Variants in QKI observed in about 807,000 individuals in gnomAD.
QKI encodes QKI, KH domain containing RNA binding.
A neutral mutation model predicts 39.0 loss-of-function variants in QKI; 10 were observed. That is an observed-to-expected ratio of 0.26 (90% CI 0.16 to 0.43). QKI has a LOEUF of 0.43. Among genes scored for constraint, QKI ranks in the 20% least tolerant of loss-of-function variants. The pLI, the probability that QKI is intolerant of heterozygous loss-of-function variation, is 1.00. For synonymous variants in QKI, 204 were observed against 155.4 expected (o/e 1.31, Z -2.33); for missense variants, 218 against 428.0 (o/e 0.51, Z 4.33).
intron 4 of QKI, among the ~76,000 whole-genome samples, chr6:163,547,151 T>C (rs1412253282): frequency 1.3e-5 from 2 of 152,130 alleles, no homozygotes; most frequent in African/African-American, 2.4e-5. Context: ...AAAAATACTT[T>C]GATTTTTTAA....
chr6:163,452,396 A>T (rs1048119752), intron 1 of QKI, among the ~76,000 whole-genome samples: 1 of 152,156 alleles, frequency 6.6e-6, no homozygotes, highest in Non-Finnish European at 1.5e-5. Context: ...AGACTGAAAA[A>T]AATCGTGGTA....
Position 163,563,602 on chromosome 6 carries a change from G to A in QKI, c.817G>A (p.Ala273Thr). Reference sequence around the variant, plus strand: ...AAACGGAACTCCTCACCCAACTGCTGCAATAGTTCCTCCAGGGCCCGAAGC... The same window carrying A: ...AAACGGAACTCCTCACCCAACTGCTACAATAGTTCCTCCAGGGCCCGAAGC... ...MPNGTPHPTA[A>T]IVPPGPEAGL... is the part of the protein sequence containing the mutation. The change falls in exon 6 of 8, where the codon GCA (alanine) becomes ACA (threonine). Residue 273 changes from alanine to threonine, a missense_variant. Physicochemically the swap from Ala to Thr is moderately conservative, Grantham distance 58 (BLOSUM62 0). This residue lies in a region of QKI where 117 missense variants were observed against 186.0 expected (regional missense o/e 0.63). Transcript: ENST00000361752. 1.9e-6 allele frequency: 3 copies of A among 1,614,180 alleles called. No homozygotes were observed. The highest frequency in any genetic ancestry group is 1.1e-5 in the South Asian group (1 of 91,086).
chr6:163,484,032 A>AT (rs1328334575), intron 3 of QKI, among the ~76,000 whole-genome samples: 1 of 152,152 alleles, frequency 6.6e-6, no homozygotes, highest in Non-Finnish European at 1.5e-5. Flanking sequence ...TCTACCAGAG[A>AT]TTTTGGGTTA....
In QKI at chr6:163,574,120, C is replaced by T. The variant is rs1783847844; in HGVS notation, c.*3410C>T. ...CTTTCAGCATCTGCATTACTAATTC[C>T]ACACCTTATTTTTCCTTCTCCAAAA... On this transcript the variant is annotated 3_prime_UTR_variant, in exon 8 of 8. Coordinates refer to ENST00000361752, the MANE Select transcript of QKI (RefSeq NM_006775.3). The T allele has an allele frequency of 6.6e-6, 1 of 152,186 alleles. No individual in the cohort carries two copies. Among genetic ancestry groups the T allele is most frequent in the Non-Finnish European group, 1.5e-5 (1 of 68,052 alleles). The allele number at this position is 152,186 out of a possible 1,614,324, so 9.4% of individuals were successfully genotyped here.
intron 2 of QKI, among the ~76,000 whole-genome samples, chr6:163,458,356 A>G (rs1014014424): frequency 1.3e-5 from 2 of 152,120 alleles, no homozygotes; most frequent in African/African-American, 4.8e-5. Context: ...CAGTTGGAAA[A>G]CATCTTTATG....
intron 3 of QKI, among the ~76,000 whole-genome samples, chr6:163,514,153 C>T (rs1407709523): frequency 1.3e-5 from 2 of 152,104 alleles, no homozygotes; most frequent in Admixed American, 6.5e-5. Flanking sequence ...AGTGGTTAGA[C>T]AGGAACACCT....
chr6:163,498,588 A>G (rs571862750), intron 3 of QKI, among the ~76,000 whole-genome samples: 3 of 151,048 alleles, frequency 2.0e-5, no homozygotes, highest in African/African-American at 4.9e-5. Flanking sequence ...TTTTGTTCTT[A>G]TGTCTGTCTC....
chr6:163,447,507 A>G (rs1285917514), intron 1 of QKI, among the ~76,000 whole-genome samples: 2 of 151,708 alleles, frequency 1.3e-5, no homozygotes, highest in Non-Finnish European at 2.9e-5. Flanking sequence ...CTCTTCTCCT[A>G]CTCATCCATC....
intron 3 of QKI, among the ~76,000 whole-genome samples, chr6:163,509,573 A>G (rs1779310376): frequency 6.6e-6 from 1 of 152,136 alleles, no homozygotes; most frequent in African/African-American, 2.4e-5. Flanking sequence ...ATTATGTGAA[A>G]CAGTATAATA....
chr6:163,445,627 T>TTC (rs1790092590), intron 1 of QKI, among the ~76,000 whole-genome samples: 1 of 151,558 alleles, frequency 6.6e-6, no homozygotes, highest in South Asian at 2.1e-4. Context: ...TTTTTTTTTT[T>TTC]TTTTTTAGTT....
chr6:163,415,699 C>G (rs1465195146), intron 1 of QKI, among the ~76,000 whole-genome samples: 1 of 151,744 alleles, frequency 6.6e-6, no homozygotes, highest in Non-Finnish European at 1.5e-5. Flanking sequence ...CGAGCCCTCC[C>G]GAGAGCAGGC....
Position 163,573,895 on chromosome 6 carries a change from C to G in QKI, c.*3185C>G, listed in dbSNP as rs1313856056. ...TAAAGTCTTGAGTTACTGGACTAAC[C>G]CTGAAGAACGTGACCACAGATAACA... On this transcript the variant is annotated 3_prime_UTR_variant, in exon 8 of 8. Coordinates refer to ENST00000361752, the MANE Select transcript of QKI (RefSeq NM_006775.3). The G allele has an allele frequency of 6.6e-6, 1 of 151,948 alleles. No homozygotes were observed. Among genetic ancestry groups the G allele is most frequent in the Non-Finnish European group, 1.5e-5 (1 of 67,984 alleles). 9.4% of individuals were successfully genotyped at this position (151,948 alleles called of 1,614,324 possible). A position where few individuals can be genotyped will look rare whatever the true frequency, so the allele number is the denominator to read the frequency against.
chr6:163,578,321 AC>A lies in QKI; in HGVS notation c.*7612del, dbSNP rs1336083887. 6.6e-6 allele frequency: 1 copy of A among 152,222 alleles called. No individual in the cohort carries two copies. The highest frequency in any genetic ancestry group is 2.4e-5 in the African/African-American group (1 of 41,462). The allele number at this position is 152,222 out of a possible 1,614,324, so 9.4% of individuals were successfully genotyped here. On this transcript the variant is annotated 3_prime_UTR_variant, in exon 8 of 8. Transcript: ENST00000361752. ...TTCTTGCAGAACTATTTGAGTTGAT[AC>A]TAAAGATTTTATGTTCACTCCTTTA...
At chr6:163,437,513 T>C (rs969764797) in intron 1 of QKI, among the ~76,000 whole-genome samples, 5 of 152,202 alleles carry the variant, frequency 3.3e-5, no homozygotes, top group Non-Finnish European at 7.4e-5. Flanking sequence ...AATGTAGCCA[T>C]AATTTAGTTC....
At chr6:163,563,257 T>G (rs1271115029) in intron 5 of QKI, among the ~76,000 whole-genome samples, 163 bp from the exon 6 acceptor site, 1 of 152,228 alleles carries the variant, frequency 6.6e-6, no homozygotes, top group African/African-American at 2.4e-5. Context: ...TGCATTTGAT[T>G]GGTGTGCTTT....
chr6:163,438,298 C>T lies in QKI; in HGVS notation c.143-16981C>T, dbSNP rs1205684570. ...ACAGTATTTCCAGAATATAATTTTA[C>T]ATCACAGTCATCATTTATAATGACA... On this transcript the variant is annotated intron_variant, in intron 1 of 7. Transcript: ENST00000361752. Among the ~76,000 whole-genome samples, 3 of 152,146 alleles carry T rather than the reference C, an allele frequency of 2.0e-5. No individual in the cohort carries two copies. In the East Asian group the frequency reaches 5.8e-4, roughly 29 times the overall value.
intron 7 of QKI, 121 bp downstream of exon 7, chr6:163,566,916 T>C: frequency 6.8e-7 from 1 of 1,463,360 alleles, no homozygotes. Flanking sequence ...TTTCCTTTTC[T>C]AAATTTGTTT....
intron 6 of QKI, 103 bp downstream of exon 6, chr6:163,563,822 T>A: frequency 6.6e-7 from 1 of 1,510,244 alleles, no homozygotes; most frequent in Non-Finnish European, 8.8e-7. Context: ...GCAAGACAAG[T>A]TTGCATTAGG....
rs1777703247 is a variant in QKI at position 163,578,444 on chromosome 6, G to T, written c.*7734G>T. 1 of 152,188 alleles carries T rather than the reference G, an allele frequency of 6.6e-6. No homozygotes were observed. Among genetic ancestry groups the T allele is most frequent in the South Asian group, 2.1e-4 (1 of 4,834 alleles). 9.4% of individuals were successfully genotyped at this position (152,188 alleles called of 1,614,324 possible). ...CCTTATTACATTCATTGTTTTCAAT[G>T]ATTGATTTATAAAATTAAGACATAC... On this transcript the variant is annotated 3_prime_UTR_variant, in exon 8 of 8. Coordinates refer to ENST00000361752, the MANE Select transcript of QKI (RefSeq NM_006775.3).
Sources: gnomAD v4.1 joint callset for allele counts (sites outside exome capture counted in the v4.1 genomes callset) on GRCh38, gnomAD v4.1.1 for gene constraint, gnomAD v4.1.1 regional missense constraint, MANE v1.5 for transcripts, NCBI Gene and HGNC (gene_info 2026-07-23, HGNC 2026-07-21) for gene names.